Variants in IL17REL observed in about 807,000 individuals in gnomAD.
IL17REL encodes interleukin 17 receptor E like.
In IL17REL, 36 loss-of-function variants were observed where a neutral mutation model predicts 49.0. That is an observed-to-expected ratio of 0.73 (90% confidence interval 0.56 to 0.97). The LOEUF is 0.97. Ranked by LOEUF, IL17REL falls within the 50% of genes least tolerant of loss-of-function variation. The probability of loss-of-function intolerance (pLI) is 0.00; values close to 1 mark genes in which losing one functional copy is unlikely to be tolerated. For synonymous variants in IL17REL, 206 were observed against 192.4 expected, an observed-to-expected ratio of 1.07 and a Z score of -0.58; for missense variants, 470 against 453.9, an observed-to-expected ratio of 1.04 and a Z score of -0.32.
chr22:49,997,135 T>C lies in IL17REL; in HGVS notation c.975-61A>G, dbSNP rs879024130. The C allele has an allele frequency of 8.1e-5, 121 of 1,489,188 alleles. No homozygotes were observed. The South Asian group carries it at 1.3e-3, about 16-fold the overall frequency. The allele number at this position is 1,489,188 out of a possible 1,614,324, so 92.2% of individuals were successfully genotyped here. On this transcript the variant is annotated intron_variant, in intron 11 of 12. Coordinates refer to ENST00000341280, the Ensembl canonical transcript of IL17REL. Reference sequence around the variant, plus strand: ...GAAGGGTGGATCAGGCTAAACACTGTCCTTCTCCCACATCCTCTCAGCACC... The same window carrying C: ...GAAGGGTGGATCAGGCTAAACACTGCCCTTCTCCCACATCCTCTCAGCACC...
At chr22:50,000,785 C>T in exon 3 of IL17REL, 1 of 1,599,256 alleles carries the variant, frequency 6.3e-7, no homozygotes, top group South Asian at 1.1e-5. Flanking sequence ...GTGGGAGGCC[C>T]TGGCCACCCA....
intron 2 of IL17REL, 94 bp from the exon 4 acceptor site, chr22:50,000,957 T>A: frequency 3.1e-6 from 4 of 1,284,436 alleles, no homozygotes; most frequent in Non-Finnish European, 4.3e-6. Context: ...GCCTTCTCTC[T>A]GTGAAGTGCG....
upstream of IL17REL, among the ~76,000 whole-genome samples, chr22:50,011,260 C>T (rs1169030339): frequency 6.6e-5 from 10 of 151,610 alleles, no homozygotes; most frequent in East Asian, 2.0e-3. Context: ...CACTTCCCCT[C>T]CTTCCTGGCC....
intron 4 of IL17REL, 115 bp from the exon 6 acceptor site, chr22:50,000,355 C>G (rs1360793052): frequency 9.3e-6 from 7 of 754,490 alleles, no homozygotes; most frequent in Non-Finnish European, 1.3e-5. Context: ...TCGAATTAAG[C>G]CAGAGGTCTT....
Position 49,999,401 on chromosome 22 carries a change from G to A in IL17REL, c.546+30C>T, listed in dbSNP as rs199924155. ...ACCCATCCCTGTGCTCCCCTCACCC[G>A]CCCCAAGTCCAGGCCACACCTCCAC... is the stretch of plus-strand genomic sequence containing the variant. On this transcript the variant is annotated intron_variant, in intron 6 of 12. Transcript: ENST00000341280. 879 of 1,612,384 alleles carry A rather than the reference G, an allele frequency of 5.5e-4. 1 individual carries two copies. Among genetic ancestry groups the A allele is most frequent in the Non-Finnish European group, 5.9e-5 (70 of 1,179,738 alleles).
chr22:49,993,215 G>A (rs2061014904), downstream of IL17REL, among the ~76,000 whole-genome samples: 1 of 152,222 alleles, frequency 6.6e-6, no homozygotes, highest in Non-Finnish European at 1.5e-5. The surrounding 1 kb of genome is among the most constrained non-coding windows in gnomAD (Gnocchi z 6.0). Flanking sequence ...TCGGGGCCCA[G>A]GGCCCAAGGC....
At chr22:50,000,497 G>C (rs991011255) in exon 4 of IL17REL, 4 of 1,613,148 alleles carry the variant, frequency 2.5e-6, no homozygotes, top group Non-Finnish European at 2.5e-6. Flanking sequence ...GGTGCCTCTG[G>C]TCCAGCTGGA....
At chr22:50,008,220 A>G (rs1226527212) in intron 1 of IL17REL, among the ~76,000 whole-genome samples, 1 of 152,230 alleles carries the variant, frequency 6.6e-6, no homozygotes, top group Non-Finnish European at 1.5e-5. Flanking sequence ...TGGCATCTGC[A>G]TCACTCAGAG....
At chr22:50,002,028 G>C (rs2146750381) in intron 1 of IL17REL, among the ~76,000 whole-genome samples, 1 of 152,358 alleles carries the variant, frequency 6.6e-6, no homozygotes, top group Middle Eastern at 3.4e-3. Flanking sequence ...GTAACTGGGG[G>C]TGAAGGGAGA....
At chr22:50,000,006 C>A (rs1394034636) in intron 4 of IL17REL, 39 bp from the exon 7 acceptor site, 3 of 1,445,314 alleles carry the variant, frequency 2.1e-6, no homozygotes, top group Admixed American at 5.0e-5. Flanking sequence ...CTGGGACCAG[C>A]GGTCACCGAC....
At chr22:49,992,658 C>T (rs1233850279), downstream of IL17REL, among the ~76,000 whole-genome samples, 1 of 152,176 alleles carries the variant, frequency 6.6e-6, no homozygotes, top group African/African-American at 2.4e-5. Flanking sequence ...CATTCAGTCA[C>T]CCAGGATGGA....
chr22:49,999,098 G>GCA (rs144306366), intron 7 of IL17REL, among the ~76,000 whole-genome samples, 193 bp downstream of exon 9: 48,909 of 151,418 alleles, frequency 0.32, 7,987 homozygotes, highest in Middle Eastern at 0.46. Context: ...CATGTACATT[G>GCA]CACACACACA....
Position 50,000,735 on chromosome 22 carries a change from A to G in IL17REL, c.219+19T>C. On this transcript the variant is annotated intron_variant, in intron 3 of 12. Transcript: ENST00000341280. ...CCAGTCTTCGGGACTTGGGTGGCAG[A>G]GCCCTGCCTTGGCCTCACCTGCTGC... 3.2e-6 allele frequency: 5 copies of G among 1,566,588 alleles called. No homozygotes were observed. The highest frequency in any genetic ancestry group is 4.3e-6 in the Non-Finnish European group (5 of 1,154,424).
chr22:50,002,500 T>TC (rs2061085316), intron 1 of IL17REL, among the ~76,000 whole-genome samples: 1 of 147,448 alleles, frequency 6.8e-6, no homozygotes, highest in South Asian at 2.1e-4. Context: ...CTTTTCTTTT[T>TC]TTTTTTTTTT....
chr22:49,996,844 A>T (rs1249423313), exon 13 of IL17REL: 1 of 567,718 alleles, frequency 1.8e-6, no homozygotes, highest in African/African-American at 1.9e-5. Context: ...GGAGAAGTGT[A>T]CATCGGTCCT....
intron 4 of IL17REL, among the ~76,000 whole-genome samples, 68 bp from the exon 6 acceptor site, chr22:50,000,308 G>A (rs1569209626): frequency 1.3e-5 from 2 of 152,158 alleles, no homozygotes; most frequent in East Asian, 1.9e-4. Context: ...TCCTCCACCC[G>A]CCCCCCATCC....
intron 1 of IL17REL, among the ~76,000 whole-genome samples, chr22:50,006,363 C>T (rs968785870): frequency 6.6e-6 from 1 of 152,092 alleles, no homozygotes; most frequent in African/African-American, 2.4e-5. Context: ...GACACTGCTC[C>T]TGGCACCACC....
upstream of IL17REL, among the ~76,000 whole-genome samples, chr22:50,011,580 C>T (rs2146766958): frequency 6.6e-6 from 1 of 152,176 alleles, no homozygotes; most frequent in East Asian, 1.9e-4. Flanking sequence ...ATCCCCAGGC[C>T]TGCCCCCTCC....
At position 50,001,253 on chromosome 22, in the gene IL17REL, G is replaced by A. The variant is rs527467927; in HGVS notation, c.-41-22C>T. 6 of 1,047,826 alleles carry A rather than the reference G, an allele frequency of 5.7e-6. No homozygotes were observed. The Admixed American group carries it at 1.2e-4, about 22-fold the overall frequency. The allele number at this position is 1,047,826 out of a possible 1,614,324, so 64.9% of individuals were successfully genotyped here. A position where few individuals can be genotyped will look rare whatever the true frequency, so the allele number is the denominator to read the frequency against. On this transcript the variant is annotated intron_variant, in intron 1 of 12. Coordinates refer to ENST00000341280, the Ensembl canonical transcript of IL17REL. ...TTCCCTGGGGAGGGAGAAGGAGCGT[G>A]AGGCCTCGAGTTCCCTGGTGCTCGG...
Sources: gnomAD v4.1 joint callset for allele counts (sites outside exome capture counted in the v4.1 genomes callset) on GRCh38, gnomAD v4.1.1 for gene constraint, Gnocchi (gnomAD v3.1) non-coding constraint, MANE v1.5 for transcripts, NCBI Gene and HGNC (gene_info 2026-07-23, HGNC 2026-07-21) for gene names.